The following ATP1A4 variants were observed in gnomAD, a reference collection of about 807,000 sequenced individuals.
ATP1A4 encodes ATPase Na+/K+ transporting subunit alpha 4, also known as sodium/potassium-transporting ATPase subunit alpha-4.
A neutral mutation model predicts 114.3 loss-of-function variants in ATP1A4; 90 were observed. The ratio of observed to expected loss-of-function variants is 0.79; its 90% CI spans 0.66 to 0.94. ATP1A4 has a LOEUF of 0.94. Ranked by LOEUF, ATP1A4 falls within the 40% of genes least tolerant of loss-of-function variation. The pLI, the probability that ATP1A4 is intolerant of heterozygous loss-of-function variation, is 0.00. For synonymous variants in ATP1A4, 511 were observed against 494.1 expected (o/e 1.03, Z -0.45); for missense variants, 1,222 against 1,313.6 (o/e 0.93, Z 1.08).
rs969470625 is a variant in ATP1A4, at chr1:160,165,006, C to A, written c.1047+582C>A. Reference sequence around the variant, plus strand: ...TGAAGAAACACAAAATAAGTCAATTCTTTCTCTTCTACAGACTAGCCCTTT... The same window carrying A: ...TGAAGAAACACAAAATAAGTCAATTATTTCTCTTCTACAGACTAGCCCTTT... On this transcript the variant is annotated intron_variant, in intron 7 of 21. Transcript: ENST00000368081. 2.3e-4 allele frequency among the ~76,000 whole-genome samples: 35 copies of A among 152,302 alleles called. 1 individual carries two copies. Among genetic ancestry groups the A allele is most frequent in the East Asian group, 5.8e-4 (3 of 5,186 alleles).
chr1:160,159,811 T>C (rs993858124), intron 6 of ATP1A4, among the ~76,000 whole-genome samples: 33 of 152,350 alleles, frequency 2.2e-4, no homozygotes, highest in African/African-American at 7.2e-4. Context: ...CCTACAATTA[T>C]TAGCTATTAT....
intron 10 of ATP1A4, 28 bp from the exon 11 acceptor site, chr1:160,171,223 C>T: frequency 6.3e-7 from 1 of 1,591,692 alleles, no homozygotes; most frequent in Non-Finnish European, 8.6e-7. Context: ...TCCTCCTGTC[C>T]CATCAGTGCT....
intron 8 of ATP1A4, 31 bp from the exon 9 acceptor site, chr1:160,166,937 T>G (rs971395606): frequency 1.2e-6 from 2 of 1,604,434 alleles, no homozygotes; most frequent in Middle Eastern, 1.7e-4. Context: ...TCTCATTCCC[T>G]GCTCACAATT....
Position 160,159,401 on chromosome 1 carries a change from C to T in ATP1A4, c.661-8C>T. On this transcript the variant is annotated splice_polypyrimidine_tract_variant and splice_region_variant and intron_variant, in intron 5 of 21. Coordinates refer to ENST00000368081, the MANE Select transcript of ATP1A4 (RefSeq NM_144699.4). ...TCACCTTACAACGCGTCCCCTCTCCCATCCCAGGTGGACAACTCATCCTTG... is the reference window on the plus strand; with the variant it reads ...TCACCTTACAACGCGTCCCCTCTCCTATCCCAGGTGGACAACTCATCCTTG... 6.2e-7 allele frequency: 1 copy of T among 1,603,316 alleles called. No homozygotes were observed. Among genetic ancestry groups the T allele is most frequent in the Non-Finnish European group, 8.5e-7 (1 of 1,175,484 alleles).
intron 18 of ATP1A4, among the ~76,000 whole-genome samples, chr1:160,180,118 G>A (rs1164568953): frequency 2.6e-5 from 4 of 152,180 alleles, no homozygotes; most frequent in Admixed American, 1.3e-4. Context: ...AGAAGTAATC[G>A]TGGAGTAACA....
chr1:160,159,388 G>C (rs757274810), intron 5 of ATP1A4, 21 bp from the exon 6 acceptor site: 1 of 1,586,656 alleles, frequency 6.3e-7, no homozygotes, highest in Non-Finnish European at 8.6e-7. Context: ...ACCTTACAAC[G>C]CGTCCCCTCT....
chr1:160,166,767 G>T (rs764961571), intron 8 of ATP1A4, 41 bp downstream of exon 8: 1 of 1,612,382 alleles, frequency 6.2e-7, no homozygotes, highest in Admixed American at 1.7e-5. Context: ...GAGGGATTTG[G>T]GGGATGTGAT....
At chr1:160,176,291 C>A (rs881292) in intron 16 of ATP1A4, 45 bp downstream of exon 16, 7 of 1,610,188 alleles carry the variant, frequency 4.3e-6, no homozygotes, top group Non-Finnish European at 5.9e-6. Context: ...AATTCTGCCT[C>A]CTAAGCTCCC....
chr1:160,161,946 G>C (rs932728583), intron 6 of ATP1A4, among the ~76,000 whole-genome samples: 3 of 152,132 alleles, frequency 2.0e-5, no homozygotes, highest in African/African-American at 7.2e-5. Context: ...AGTCTATATT[G>C]GTCCTACTGG....
At position 160,156,108 on chromosome 1, in the gene ATP1A4, G is replaced by A. The variant is rs1652645217; in HGVS notation, c.475G>A (p.Glu159Lys). 6.2e-7 allele frequency: 1 copy of A among 1,613,922 alleles called. No homozygotes were observed. Among genetic ancestry groups the A allele is most frequent in the Non-Finnish European group, 8.5e-7 (1 of 1,179,938 alleles). ...CACTGGCTGCTTCTCCTATTATCAG[G>A]AGGCCAAGAGCTCCAAGATCATGGA... ...IVTGCFSYYQ[E>K]AKSSKIMESF... The change falls in exon 4 of 22, where the codon GAG becomes AAG. Residue 159 changes from glutamate to lysine, a missense_variant. Glu to Lys is a moderately conservative substitution (Grantham distance 56). Coordinates refer to ENST00000368081, the MANE Select transcript of ATP1A4 (RefSeq NM_144699.4).
At chr1:160,158,266 TG>T (rs1057023881) in intron 4 of ATP1A4, among the ~76,000 whole-genome samples, 3 of 152,212 alleles carry the variant, frequency 2.0e-5, no homozygotes, top group African/African-American at 7.2e-5. Context: ...CTGGGACAGC[TG>T]GGGCCTTTTT....
intron 20 of ATP1A4, chr1:160,183,054 A>G (rs557573006): frequency 6.6e-5 from 10 of 152,342 alleles, no homozygotes; most frequent in Admixed American, 5.2e-4. Context: ...GTTTTATACA[A>G]TGTAGGCACT....
At chr1:160,182,158 C>A in intron 20 of ATP1A4, 127 bp downstream of exon 20, 1 of 743,280 alleles carries the variant, frequency 1.3e-6, no homozygotes, top group East Asian at 2.5e-5. Flanking sequence ...CATGTACACT[C>A]AGTGATACAA....
intron 6 of ATP1A4, among the ~76,000 whole-genome samples, chr1:160,161,474 C>T (rs1205258420): frequency 1.3e-5 from 2 of 152,174 alleles, no homozygotes; most frequent in African/African-American, 4.8e-5. Context: ...CTGAGGTTGA[C>T]ATCAACCCAA....
At position 160,176,525 on chromosome 1, in the gene ATP1A4, T is replaced by C. The variant is rs755704141; in HGVS notation, c.2513T>C (p.Met838Thr). 21 of 1,614,054 alleles carry C rather than the reference T, an allele frequency of 1.3e-5. No homozygotes were observed. In the Admixed American group the frequency reaches 1.8e-4, roughly 14 times the overall value. Residue 838 changes from methionine (M) to threonine (T), a missense_variant, in exon 17 of 22, where the codon ATG becomes ACG. By Grantham distance (81) the Met-to-Thr change is moderately conservative. Transcript: ENST00000368081. ...LAYESAESDI[M>T]KRLPRNPKTD... ...TATGAGTCAGCTGAAAGCGACATCATGAAGAGGCTTCCAAGGAACCCAAAG... is the reference window on the plus strand; with the variant it reads ...TATGAGTCAGCTGAAAGCGACATCACGAAGAGGCTTCCAAGGAACCCAAAG...
Position 160,155,170 on chromosome 1 carries a change from A to C in ATP1A4, c.333A>C (p.Leu111=). 1 of 1,612,208 alleles carries C rather than the reference A, an allele frequency of 6.2e-7. No homozygotes were observed. Among genetic ancestry groups the C allele is most frequent in the East Asian group, 2.2e-5 (1 of 44,780 alleles). ...CKQLFGGFSL[L]LWTGAILCFV... ...AACTGTTCGGAGGCTTCTCCCTCCT[A>C]CTATGGACTGGGGCCATTCTCTGCT... Residue 111 remains leucine, a synonymous_variant, in exon 3 of 22, where the codon CTA becomes CTC. Transcript: ENST00000368081.
chr1:160,152,903 G>A (rs1652505740), intron 1 of ATP1A4, among the ~76,000 whole-genome samples: 1 of 151,956 alleles, frequency 6.6e-6, no homozygotes, highest in African/African-American at 2.4e-5. Flanking sequence ...TCCTGGTGAT[G>A]GGCCCCTGTA....
chr1:160,176,452 C>G (rs761995076), intron 16 of ATP1A4, 27 bp from the exon 17 acceptor site: 1 of 1,522,544 alleles, frequency 6.6e-7, no homozygotes. Flanking sequence ...TTTGTGACCC[C>G]TGTCATCCCC....
In ATP1A4 at chr1:160,181,947, T is replaced by C; in HGVS notation, c.2885T>C (p.Phe962Ser). Reference protein sequence around the residue: ...QQGMRNKVLIFGILEETLLAA... With the variant: ...QQGMRNKVLISGILEETLLAA... ...CTTCCCAGAAACAAAGTCTTAATAT[T>C]TGGGATCCTGGAGGAGACACTCTTG... is the stretch of plus-strand genomic sequence containing the variant. Residue 962 changes from phenylalanine (F) to serine (S), a missense_variant, in exon 20 of 22, where the codon TTT (phenylalanine) becomes TCT (serine). Phe to Ser is a radical substitution (Grantham distance 155). Coordinates refer to ENST00000368081, the MANE Select transcript of ATP1A4 (RefSeq NM_144699.4). 1 of 1,614,042 alleles carries C rather than the reference T, an allele frequency of 6.2e-7. No individual in the cohort carries two copies. The highest frequency in any genetic ancestry group is 8.5e-7 in the Non-Finnish European group (1 of 1,179,980).
Sources: gnomAD v4.1 joint callset for allele counts (sites outside exome capture counted in the v4.1 genomes callset) on GRCh38, gnomAD v4.1.1 for gene constraint, MANE v1.5 for transcripts, NCBI Gene and HGNC (gene_info 2026-07-23, HGNC 2026-07-21) for gene names.